The following CTNNA1 variants were observed in gnomAD, a reference collection of about 807,000 sequenced individuals.
The protein encoded by CTNNA1 is catenin alpha-1.
A neutral mutation model predicts 98.4 loss-of-function variants in CTNNA1; 37 were observed. The ratio of observed to expected loss-of-function variants is 0.38; its 90% CI spans 0.29 to 0.49. The LOEUF is 0.49. Among genes scored for constraint, CTNNA1 ranks in the 20% least tolerant of loss-of-function variants. The pLI, the probability that CTNNA1 is intolerant of heterozygous loss-of-function variation, is 0.95. For missense variants in CTNNA1, 761 were observed against 1,147.2 expected, an observed-to-expected ratio of 0.66 and a Z score of 4.86; for synonymous variants, 404 against 413.2, an observed-to-expected ratio of 0.98 and a Z score of 0.27.
intron 1 of CTNNA1, among the ~76,000 whole-genome samples, chr5:138,769,528 A>G (rs1385188744): frequency 6.6e-6 from 1 of 150,654 alleles, no homozygotes; most frequent in Non-Finnish European, 1.5e-5. Flanking sequence ...TTTTTATTTT[A>G]TTATTTTATT....
intron 7 of CTNNA1, among the ~76,000 whole-genome samples, chr5:138,865,511 G>A (rs1764674113): frequency 6.6e-6 from 1 of 152,118 alleles, no homozygotes; most frequent in South Asian, 2.1e-4. Flanking sequence ...TCTTTTTCCA[G>A]CGAAACCAAT....
chr5:138,875,434 T>C (rs902192959), intron 7 of CTNNA1: 15 of 985,626 alleles, frequency 1.5e-5, no homozygotes, highest in South Asian at 9.4e-5. Context: ...TTTACTGTTA[T>C]AAAGCACCAT....
chr5:138,783,583 G>C (rs1030816848), intron 3 of CTNNA1, among the ~76,000 whole-genome samples: 2 of 152,160 alleles, frequency 1.3e-5, no homozygotes, highest in Non-Finnish European at 2.9e-5. Context: ...AGTTATTGGA[G>C]ATGTATTAAG....
chr5:138,827,507 C>G lies in CTNNA1; in HGVS notation c.859-8C>G, dbSNP rs752030538. 5 of 1,613,976 alleles carry G rather than the reference C, an allele frequency of 3.1e-6. No homozygotes were observed. The highest frequency in any genetic ancestry group is 1.7e-6 in the Non-Finnish European group (2 of 1,179,960). On this transcript the variant is annotated splice_polypyrimidine_tract_variant and splice_region_variant and intron_variant, in intron 6 of 17. Coordinates refer to ENST00000302763, the MANE Select transcript of CTNNA1 (RefSeq NM_001903.5). The stretch of plus-strand genomic sequence containing the variant: ...GAGTACTAACATTCGGTAATACTTT[C>G]TCTGCAGAAACAAATCATTGTGGAC...
At chr5:138,795,468 GAAAAA>G (rs927047032) in intron 3 of CTNNA1, among the ~76,000 whole-genome samples, 6 of 151,128 alleles carry the variant, frequency 4.0e-5, no homozygotes, top group Admixed American at 2.6e-4. Context: ...AAAAAAAAAA[GAAAAA>G]AGAAAAAAGC....
intron 5 of CTNNA1, among the ~76,000 whole-genome samples, chr5:138,814,527 A>G (rs1237458421): frequency 1.3e-5 from 2 of 152,328 alleles, no homozygotes; most frequent in East Asian, 3.9e-4. Flanking sequence ...GCCAAATTAC[A>G]TTCACAATTT....
At chr5:138,826,630 C>T (rs1760746513) in intron 6 of CTNNA1, among the ~76,000 whole-genome samples, 1 of 152,076 alleles carries the variant, frequency 6.6e-6, no homozygotes, top group Non-Finnish European at 1.5e-5. Context: ...TACTAGAGGT[C>T]TTTGAGGAAA....
At chr5:138,827,374 T>C in intron 6 of CTNNA1, 141 bp from the exon 7 acceptor site, 1 of 914,308 alleles carries the variant, frequency 1.1e-6, no homozygotes, top group Admixed American at 2.2e-5. Context: ...GGACAGCCCC[T>C]TACCTGCTAA....
At chr5:138,902,474 C>A (rs886601093) in intron 9 of CTNNA1, among the ~76,000 whole-genome samples, 2 of 152,240 alleles carry the variant, frequency 1.3e-5, no homozygotes, top group East Asian at 3.8e-4. Flanking sequence ...GGCTGGAGTG[C>A]AGTGGCGTGA....
intron 1 of CTNNA1, 194 bp downstream of exon 1, chr5:138,753,704 C>G: frequency 3.1e-6 from 1 of 324,460 alleles, no homozygotes; most frequent in Non-Finnish European, 5.6e-6. Context: ...CGGTCCCTTC[C>G]CCCGCAGGGC....
intron 1 of CTNNA1, among the ~76,000 whole-genome samples, chr5:138,767,792 A>G (rs1287582539): frequency 1.3e-5 from 2 of 152,208 alleles, no homozygotes; most frequent in South Asian, 4.1e-4. Flanking sequence ...ACTCTTTAGC[A>G]TGTTATTCTG....
chr5:138,818,212 G>A (rs2149755083), intron 5 of CTNNA1, among the ~76,000 whole-genome samples: 1 of 149,032 alleles, frequency 6.7e-6, no homozygotes, highest in Non-Finnish European at 1.5e-5. Context: ...AGTCTCAAGT[G>A]ATCCTCCCAT....
At chr5:138,774,508 C>T (rs1179944665) in intron 1 of CTNNA1, among the ~76,000 whole-genome samples, 2 of 152,162 alleles carry the variant, frequency 1.3e-5, no homozygotes, top group Non-Finnish European at 2.9e-5. Flanking sequence ...CAAGTGGGCA[C>T]AAGCTTTCTG....
chr5:138,807,992 C>A lies in CTNNA1; in HGVS notation c.302-2046C>A, dbSNP rs141609316. On this transcript the variant is annotated intron_variant, in intron 3 of 17. Coordinates refer to ENST00000302763, the MANE Select transcript of CTNNA1 (RefSeq NM_001903.5). Reference sequence around the variant, plus strand: ...TCTCAAACTTCTGACCTCAGGTGATCCACCCACCTCAGCCTCCCAAAGTGC... The same window carrying A: ...TCTCAAACTTCTGACCTCAGGTGATACACCCACCTCAGCCTCCCAAAGTGC... 2.9e-3 allele frequency among the ~76,000 whole-genome samples: 444 copies of A among 152,110 alleles called. 3 individuals carry two copies. The highest frequency in any genetic ancestry group is 0.01 in the African/African-American group (417 of 41,500).
chr5:138,785,154 C>G (rs825765), intron 3 of CTNNA1, among the ~76,000 whole-genome samples: 1 of 146,544 alleles, frequency 6.8e-6, no homozygotes, highest in Non-Finnish European at 1.5e-5. Flanking sequence ...CTCCGCCTCC[C>G]GGGTTCACGC....
chr5:138,762,449 TTC>T (rs1752470182), intron 1 of CTNNA1, among the ~76,000 whole-genome samples: 1 of 151,920 alleles, frequency 6.6e-6, no homozygotes, highest in East Asian at 1.9e-4. Context: ...ACATTGCCCT[TTC>T]TCTGTTAGAG....
At chr5:138,849,676 C>T (rs1763021551) in intron 7 of CTNNA1, among the ~76,000 whole-genome samples, 1 of 152,164 alleles carries the variant, frequency 6.6e-6, no homozygotes. Context: ...TGAACTTACT[C>T]ATTGGATTAA....
At chr5:138,780,314 C>T (rs940472803) in intron 1 of CTNNA1, among the ~76,000 whole-genome samples, 16 of 151,336 alleles carry the variant, frequency 1.1e-4, no homozygotes, top group Non-Finnish European at 1.9e-4. Flanking sequence ...CTCAGCCTCC[C>T]GAGTAGCTGG....
chr5:138,932,875 C>G, intron 17 of CTNNA1, 163 bp downstream of exon 17: 1 of 917,604 alleles, frequency 1.1e-6, no homozygotes, highest in Non-Finnish European at 1.8e-6. Flanking sequence ...TGTCCATCAT[C>G]TGTTCCCTGT....
Sources: allele counts gnomAD v4.1 joint callset (sites outside exome capture counted in the v4.1 genomes callset), GRCh38; gene constraint gnomAD v4.1.1; transcripts MANE v1.5; gene names NCBI Gene and HGNC (gene_info 2026-07-23, HGNC 2026-07-21).